The following MYBL1 variants were observed in gnomAD, a reference collection of about 807,000 sequenced individuals.
MYBL1 encodes MYB proto-oncogene like 1.
Under a neutral mutation model 96.3 loss-of-function variants are expected in MYBL1, and 17 were observed. The observed-to-expected ratio is 0.18, with a 90% CI of 0.12 to 0.26. The LOEUF (loss-of-function observed/expected upper bound fraction) is 0.26, where lower values mean the gene tolerates loss of function less well. Ranked by LOEUF, MYBL1 falls within the 10% of genes least tolerant of loss-of-function variation. The pLI is 1.00. For missense variants in MYBL1, 701 were observed against 882.9 expected (o/e 0.79, Z 2.61); for synonymous variants, 282 against 292.7 (o/e 0.96, Z 0.37).
Position 66,599,161 on chromosome 8 carries a change from T to G in MYBL1, c.199-19A>C. The G allele has an allele frequency of 6.5e-7, 1 of 1,536,552 alleles. No individual in the cohort carries two copies. Among genetic ancestry groups the G allele is most frequent in the Non-Finnish European group, 8.8e-7 (1 of 1,142,832 alleles). ...AGCGATTCTGAAAAAATTTAGAAGATTTTGTTATTAAACAACTGTCTTCCA... is the reference window on the plus strand; with the variant it reads ...AGCGATTCTGAAAAAATTTAGAAGAGTTTGTTATTAAACAACTGTCTTCCA... On this transcript the variant is annotated intron_variant, in intron 3 of 15. Transcript: ENST00000522677.
chr8:66,576,642 AAAATT>A (rs1386758298), intron 9 of MYBL1, among the ~76,000 whole-genome samples: 26 of 152,312 alleles, frequency 1.7e-4, no homozygotes, highest in African/African-American at 6.0e-4. Context: ...GTTATTATCA[AAAATT>A]AAGTTATTAT....
At chr8:66,597,261 G>A (rs2129974069) in intron 5 of MYBL1, 69 bp downstream of exon 5, 1 of 1,110,882 alleles carries the variant, frequency 9.0e-7, no homozygotes. Context: ...ACTTGCAAAT[G>A]TATTTAACAG....
intron 10 of MYBL1, 101 bp from the exon 11 acceptor site, chr8:66,573,607 A>T (rs193089865): frequency 4.7e-5 from 49 of 1,043,438 alleles, no homozygotes; most frequent in Admixed American, 3.9e-4. Flanking sequence ...CATACCTCTT[A>T]AAAAAAGCTT....
At position 66,613,089 on chromosome 8, in the gene MYBL1, A is replaced by C; in HGVS notation, c.-251T>G. On this transcript the variant is annotated 5_prime_UTR_variant, in exon 1 of 16. The change abolishes an upstream ATG in the 5' untranslated region. Transcript: ENST00000522677. ...CGGCCCGGCCAGGGATACCCCCAAC[A>C]TGTCAGGAGGCGCGATCCCGCCCTC... The C allele has an allele frequency of 7.4e-6, 3 of 405,434 alleles. No homozygotes were observed. Among genetic ancestry groups the C allele is most frequent in the East Asian group, 3.6e-5 (1 of 28,042 alleles). 25.1% of individuals were successfully genotyped at this position (405,434 alleles called of 1,614,324 possible).
intron 8 of MYBL1, among the ~76,000 whole-genome samples, chr8:66,586,274 G>T (rs1809419634): frequency 6.6e-6 from 1 of 151,980 alleles, no homozygotes; most frequent in Non-Finnish European, 1.5e-5. Context: ...TCGAACTCAT[G>T]AGCTCAAGCA....
At chr8:66,568,412 G>A (rs995684122) in intron 12 of MYBL1, among the ~76,000 whole-genome samples, 26 of 151,932 alleles carry the variant, frequency 1.7e-4, no homozygotes, top group African/African-American at 5.8e-4. Context: ...TCAGCCTCCC[G>A]AGTAGCTGGG....
At chr8:66,593,241 T>A in intron 6 of MYBL1, 47 bp from the exon 7 acceptor site, 1 of 1,251,080 alleles carries the variant, frequency 8.0e-7, no homozygotes, top group Non-Finnish European at 1.1e-6. Flanking sequence ...ATGCTATAAA[T>A]GTTGAAAATC....
At chr8:66,598,249 G>A (rs559487015) in intron 4 of MYBL1, among the ~76,000 whole-genome samples, 1 of 152,240 alleles carries the variant, frequency 6.6e-6, no homozygotes, top group Non-Finnish European at 1.5e-5. Flanking sequence ...GTAAATCAGT[G>A]CAGTCTAGGT....
rs193036459 is a variant in MYBL1 at position 66,573,379 on chromosome 8, T to C, written c.1598A>G (p.Gln533Arg). ...PLHKETTPKD[Q>R]KENVGFRTPT... ...ACCTACTTACCCTACATTTTCCTTT[T>C]GATCTTTGGGAGTTGTTTCCTTATG... The change falls in exon 11 of 16, where the codon CAA becomes CGA. Residue 533 changes from glutamine (Q) to arginine (R), a missense_variant. Gln to Arg is a conservative substitution (Grantham distance 43). This residue lies in a region of MYBL1 where 396 missense variants were observed against 407.4 expected (regional missense o/e 0.97). Transcript: ENST00000522677. The C allele has an allele frequency of 3.3e-5, 53 of 1,609,504 alleles. No homozygotes were observed. In the Admixed American group the frequency reaches 9.0e-4, roughly 27 times the overall value.
At chr8:66,606,507 T>G (rs958662576) in intron 1 of MYBL1, among the ~76,000 whole-genome samples, 1 of 152,246 alleles carries the variant, frequency 6.6e-6, no homozygotes, top group Non-Finnish European at 1.5e-5. Context: ...CTAATATCTA[T>G]GTAAGTTATG....
intron 1 of MYBL1, among the ~76,000 whole-genome samples, chr8:66,610,218 T>C (rs906162916): frequency 3.3e-5 from 5 of 152,070 alleles, no homozygotes; most frequent in Non-Finnish European, 5.9e-5. Context: ...AATTTTAGTA[T>C]TGCCTGTAAA....
intron 8 of MYBL1, among the ~76,000 whole-genome samples, chr8:66,584,983 G>C (rs956075780): frequency 6.6e-6 from 1 of 152,062 alleles, no homozygotes; most frequent in Non-Finnish European, 1.5e-5. Context: ...CTACGGTTCA[G>C]TGCAATCTTT....
Position 66,564,001 on chromosome 8 carries a change from G to A in MYBL1, c.*696C>T, listed in dbSNP as rs911064610. The A allele has an allele frequency of 6.6e-6, 1 of 152,154 alleles. No individual in the cohort carries two copies. Among genetic ancestry groups the A allele is most frequent in the African/African-American group, 2.4e-5 (1 of 41,380 alleles). 9.4% of individuals were successfully genotyped at this position (152,154 alleles called of 1,614,324 possible). ...AACAGACTTCTTTCCAATTTACAAA[G>A]TTCTCCTGCTCCTACATACTGTACA... On this transcript the variant is annotated 3_prime_UTR_variant, in exon 16 of 16. Coordinates refer to ENST00000522677, the MANE Select transcript of MYBL1 (RefSeq NM_001080416.4).
In MYBL1 at chr8:66,563,225, G is replaced by A. The variant is rs950618139; in HGVS notation, c.*1472C>T. 3.3e-5 allele frequency: 5 copies of A among 152,270 alleles called. No individual in the cohort carries two copies. Among genetic ancestry groups the A allele is most frequent in the East Asian group, 1.9e-4 (1 of 5,190 alleles). 9.4% of individuals were successfully genotyped at this position (152,270 alleles called of 1,614,324 possible). Reference sequence around the variant, plus strand: ...GTGGTGGTCGCTCTTTCCTTCTCTCGTAGCAGCAAGCCGATTCTGCTATTT... The same window carrying A: ...GTGGTGGTCGCTCTTTCCTTCTCTCATAGCAGCAAGCCGATTCTGCTATTT... On this transcript the variant is annotated 3_prime_UTR_variant, in exon 16 of 16. Transcript: ENST00000522677.
At chr8:66,600,886 G>A (rs887238470) in intron 3 of MYBL1, among the ~76,000 whole-genome samples, 18 of 152,068 alleles carry the variant, frequency 1.2e-4, no homozygotes, top group African/African-American at 4.1e-4. Flanking sequence ...GAGCATATGT[G>A]AGGACCAGGC....
chr8:66,577,249 A>C (rs1808995735), intron 9 of MYBL1, among the ~76,000 whole-genome samples: 1 of 150,264 alleles, frequency 6.7e-6, no homozygotes, highest in South Asian at 2.1e-4. Context: ...AGGAGAAGGA[A>C]ATAAAGGGTA....
At position 66,564,045 on chromosome 8, in the gene MYBL1, T is replaced by C. The variant is rs1165605580; in HGVS notation, c.*652A>G. 6.6e-6 allele frequency: 1 copy of C among 152,406 alleles called. No homozygotes were observed. Among genetic ancestry groups the C allele is most frequent in the Non-Finnish European group, 1.5e-5 (1 of 67,902 alleles). 9.4% of individuals were successfully genotyped at this position (152,406 alleles called of 1,614,324 possible). A position where few individuals can be genotyped will look rare whatever the true frequency, so the allele number is the denominator to read the frequency against. Reference sequence around the variant, plus strand: ...CTGTACAATACATTCAACAAAACTCTCAGCTCCTCTGAGATTAAGAAAATA... The same window carrying C: ...CTGTACAATACATTCAACAAAACTCCCAGCTCCTCTGAGATTAAGAAAATA... On this transcript the variant is annotated 3_prime_UTR_variant, in exon 16 of 16. Transcript: ENST00000522677.
At chr8:66,578,232 G>T (rs1809047894) in intron 9 of MYBL1, among the ~76,000 whole-genome samples, 2 of 151,412 alleles carry the variant, frequency 1.3e-5, no homozygotes. Context: ...TGACAAATGG[G>T]ATCTAATTAA....
At chr8:66,603,725 C>T (rs1479066957) in intron 1 of MYBL1, among the ~76,000 whole-genome samples, 2 of 152,020 alleles carry the variant, frequency 1.3e-5, no homozygotes, top group Non-Finnish European at 2.9e-5. Context: ...GTCTTGAACT[C>T]CTGAGCTCAA....
Sources: allele counts gnomAD v4.1 joint callset (sites outside exome capture counted in the v4.1 genomes callset), GRCh38; gene constraint gnomAD v4.1.1; regional missense constraint gnomAD v4.1.1; transcripts MANE v1.5; gene names NCBI Gene and HGNC (gene_info 2026-07-23, HGNC 2026-07-21).